SMOX: variants seen among roughly 807,000 people sequenced by gnomAD.
SMOX encodes the protein spermine oxidase.
In SMOX, 22 loss-of-function variants were observed where a neutral mutation model predicts 51.0. The ratio of observed to expected loss-of-function variants is 0.43; its 90% CI spans 0.31 to 0.62. SMOX has a LOEUF of 0.62. SMOX is among the 20% of genes least tolerant of loss of function. The probability of loss-of-function intolerance (pLI) is 0.10; values close to 1 mark genes in which losing one functional copy is unlikely to be tolerated. For missense variants in SMOX, 566 were observed against 777.7 expected (o/e 0.73, Z 3.24); for synonymous variants, 282 against 307.8 (o/e 0.92, Z 0.88).
At position 4,172,165 on chromosome 20, in the gene SMOX, C is replaced by A. The variant is rs1200745642; in HGVS notation, c.-26-2865C>A. Among the ~76,000 whole-genome samples the A allele has an allele frequency of 6.6e-6, 1 of 152,264 alleles. No homozygotes were observed. The highest frequency in any genetic ancestry group is 1.5e-5 in the Non-Finnish European group (1 of 68,048). On this transcript the variant is annotated intron_variant, in intron 1 of 6. Transcript: ENST00000305958. The surrounding 1 kb of genome is among the most constrained non-coding windows in gnomAD (Gnocchi z 7.7). ...CAGTAAGGCGTGAGAGCCACTGCAG[C>A]CATCCCTTTCCGTAGTGGATAGGAG...
intron 1 of SMOX, among the ~76,000 whole-genome samples, chr20:4,162,741 A>C (rs906272340): frequency 2.6e-5 from 4 of 152,236 alleles, no homozygotes; most frequent in Non-Finnish European, 1.5e-5. Flanking sequence ...AGCAGAGAGC[A>C]GAACAGATGT....
chr20:4,185,010 T>C (rs1263345242), intron 6 of SMOX, among the ~76,000 whole-genome samples: 1 of 152,180 alleles, frequency 6.6e-6, no homozygotes, highest in Non-Finnish European at 1.5e-5. Flanking sequence ...GAAAGGCAGA[T>C]GGCAAGAAGG....
Position 4,153,348 on chromosome 20 carries a change from C to T in SMOX, c.-27+4371C>T, listed in dbSNP as rs1307263866. The stretch of plus-strand genomic sequence containing the variant: ...ATTAGAGGGACTTTTTTTCTTTGCT[C>T]CCTGGAGGTCACATGCTTGAGTGCC... On this transcript the variant is annotated intron_variant, in intron 1 of 6. Transcript: ENST00000305958. The surrounding 1 kb of genome is among the most constrained non-coding windows in gnomAD (Gnocchi z 4.4). 1.3e-5 allele frequency among the ~76,000 whole-genome samples: 2 copies of T among 151,958 alleles called. No individual in the cohort carries two copies. Among genetic ancestry groups the T allele is most frequent in the African/African-American group, 4.8e-5 (2 of 41,416 alleles).
At chr20:4,184,652 C>G (rs1294790853) in intron 6 of SMOX, among the ~76,000 whole-genome samples, 1 of 152,104 alleles carries the variant, frequency 6.6e-6, no homozygotes, top group African/African-American at 2.4e-5. Context: ...TTCAGTCAAC[C>G]AGCATCTACT....
intron 1 of SMOX, among the ~76,000 whole-genome samples, chr20:4,169,862 C>G (rs1366967100): frequency 6.6e-6 from 1 of 152,130 alleles, no homozygotes; most frequent in African/African-American, 2.4e-5. Flanking sequence ...AGGCTGTTTC[C>G]TGCAGGCCTT....
At chr20:4,178,406 TTTTA>T (rs1979051999) in intron 3 of SMOX, among the ~76,000 whole-genome samples, 2 of 152,176 alleles carry the variant, frequency 1.3e-5, no homozygotes, top group South Asian at 4.1e-4. Context: ...CTGTAGACAG[TTTTA>T]TTTTTTTCTT....
intron 1 of SMOX, among the ~76,000 whole-genome samples, chr20:4,152,143 G>A (rs1985795039): frequency 6.6e-6 from 1 of 152,220 alleles, no homozygotes; most frequent in South Asian, 2.1e-4. Flanking sequence ...CCGGTGGGAT[G>A]TGAGTCTGTG....
intron 1 of SMOX, among the ~76,000 whole-genome samples, chr20:4,157,963 C>G (rs544018291): frequency 2.6e-5 from 4 of 152,140 alleles, no homozygotes; most frequent in African/African-American, 9.6e-5. Flanking sequence ...TGCAGCGGCG[C>G]GATCTCGGCT....
chr20:4,156,136 A>G (rs1367369119), intron 1 of SMOX, among the ~76,000 whole-genome samples: 2 of 152,212 alleles, frequency 1.3e-5, no homozygotes, highest in Non-Finnish European at 2.9e-5. Context: ...TTCAGAATAC[A>G]TTTAAGAGAA....
intron 1 of SMOX, among the ~76,000 whole-genome samples, chr20:4,156,332 G>A (rs1986018709): frequency 6.6e-6 from 1 of 152,154 alleles, no homozygotes; most frequent in South Asian, 2.1e-4. Flanking sequence ...TAGCACAGGT[G>A]GACTTCCTGG....
chr20:4,166,171 T>C lies in SMOX; in HGVS notation c.-26-8859T>C, dbSNP rs888192137. Among the ~76,000 whole-genome samples, 1 of 151,980 alleles carries C rather than the reference T, an allele frequency of 6.6e-6. No individual in the cohort carries two copies. Among genetic ancestry groups the C allele is most frequent in the Non-Finnish European group, 1.5e-5 (1 of 68,002 alleles). Reference sequence around the variant, plus strand: ...GATCTATTGTCAGAGTGTGATCGAGTTGCTAATTTTTGCTGAAGGTGGGAC... The same window carrying C: ...GATCTATTGTCAGAGTGTGATCGAGCTGCTAATTTTTGCTGAAGGTGGGAC... On this transcript the variant is annotated intron_variant, in intron 1 of 6. Transcript: ENST00000305958. The surrounding 1 kb of genome is among the most constrained non-coding windows in gnomAD (Gnocchi z 4.2).
chr20:4,166,278 C>G lies in SMOX; in HGVS notation c.-26-8752C>G, dbSNP rs1444160084. Among the ~76,000 whole-genome samples, 2 of 152,176 alleles carry G rather than the reference C, an allele frequency of 1.3e-5. No individual in the cohort carries two copies. The highest frequency in any genetic ancestry group is 1.9e-4 in the East Asian group (1 of 5,192). ...AGTACCAAGCTCTGTTCTGGCCCAT[C>G]TCTACCTGTGTCTCTCTCTGATACT... On this transcript the variant is annotated intron_variant, in intron 1 of 6. Coordinates refer to ENST00000305958, the MANE Select transcript of SMOX (RefSeq NM_175839.3). This position sits in a 1 kb window ranked among gnomAD's most constrained non-coding sequence, Gnocchi z 4.2.
intron 2 of SMOX, chr20:4,176,010 T>G (rs1294881811): frequency 1.4e-5 from 2 of 146,848 alleles, no homozygotes; most frequent in Non-Finnish European, 3.0e-5. Flanking sequence ...ACATTGATCC[T>G]CTAGAGGAGT....
intron 6 of SMOX, chr20:4,186,603 G>A (rs949459108): frequency 4.7e-6 from 3 of 638,948 alleles, no homozygotes; most frequent in Non-Finnish European, 8.5e-6. Context: ...CCAGTTCAAA[G>A]GTCCTGTCCT....
chr20:4,157,767 C>T (rs941472742), intron 1 of SMOX, among the ~76,000 whole-genome samples: 4 of 152,022 alleles, frequency 2.6e-5, no homozygotes, highest in South Asian at 2.1e-4. Context: ...AAGTTGCGGA[C>T]GTGACCCTCA....
intron 3 of SMOX, among the ~76,000 whole-genome samples, chr20:4,180,970 C>T (rs1979275196): frequency 6.6e-6 from 1 of 152,168 alleles, no homozygotes; most frequent in Non-Finnish European, 1.5e-5. Flanking sequence ...GTAAATGTTG[C>T]TTCTGGGGAT....
chr20:4,152,475 C>A (rs1985811033), intron 1 of SMOX, among the ~76,000 whole-genome samples: 1 of 151,948 alleles, frequency 6.6e-6, no homozygotes, highest in African/African-American at 2.4e-5. Flanking sequence ...AGCCAGGGGA[C>A]CTCAGATCTG....
At chr20:4,168,167 T>C (rs1261799158) in intron 1 of SMOX, among the ~76,000 whole-genome samples, 1 of 152,068 alleles carries the variant, frequency 6.6e-6, no homozygotes, top group Non-Finnish European at 1.5e-5. Flanking sequence ...GTGGGGCTGC[T>C]GCCCTCAGGG....
At chr20:4,151,043 G>T (rs754033463) in intron 1 of SMOX, among the ~76,000 whole-genome samples, 1 of 151,950 alleles carries the variant, frequency 6.6e-6, no homozygotes, top group Non-Finnish European at 1.5e-5. Flanking sequence ...TGTTGCCCAG[G>T]CTGGTCTCGA....
Sources: gnomAD v4.1 joint callset for allele counts (sites outside exome capture counted in the v4.1 genomes callset) on GRCh38, gnomAD v4.1.1 for gene constraint, Gnocchi (gnomAD v3.1) non-coding constraint, MANE v1.5 for transcripts, NCBI Gene and HGNC (gene_info 2026-07-23, HGNC 2026-07-21) for gene names.